MEF2D: variants seen among roughly 807,000 people sequenced by gnomAD.
MEF2D encodes myocyte-specific enhancer factor 2D.
Under a neutral mutation model 59.3 loss-of-function variants are expected in MEF2D, and 10 were observed. The observed-to-expected ratio is 0.17, with a 90% confidence interval of 0.10 to 0.29. The LOEUF (loss-of-function observed/expected upper bound fraction) is 0.29, where lower values mean the gene tolerates loss of function less well. Among genes scored for constraint, MEF2D ranks in the 10% least tolerant of loss-of-function variants. The pLI is 1.00. For missense variants in MEF2D, 508 were observed against 699.4 expected, an observed-to-expected ratio of 0.73 and a Z score of 3.09; for synonymous variants, 305 against 295.0, an observed-to-expected ratio of 1.03 and a Z score of -0.35.
At chr1:156,485,927 G>A (rs1672330994) in intron 1 of MEF2D, among the ~76,000 whole-genome samples, 1 of 150,758 alleles carries the variant, frequency 6.6e-6, no homozygotes, top group African/African-American at 2.4e-5. Flanking sequence ...TTGGCTCACC[G>A]CAACCTCTGC....
chr1:156,489,715 G>C (rs1672629235), intron 1 of MEF2D, among the ~76,000 whole-genome samples: 1 of 152,170 alleles, frequency 6.6e-6, no homozygotes, highest in Admixed American at 6.5e-5. Flanking sequence ...GTCCCACCCA[G>C]GGCAAGGGCA....
At chr1:156,471,931 C>A (rs954891322) in intron 9 of MEF2D, among the ~76,000 whole-genome samples, 1 of 152,222 alleles carries the variant, frequency 6.6e-6, no homozygotes, top group African/African-American at 2.4e-5. Context: ...CACTTCCCAG[C>A]AGGGCTCCAA....
chr1:156,469,892 T>A (rs1227071495), intron 9 of MEF2D, among the ~76,000 whole-genome samples: 1 of 150,718 alleles, frequency 6.6e-6, no homozygotes, highest in African/African-American at 2.4e-5. Context: ...AAAAAAAAAA[T>A]CATGTGTAGG....
intron 1 of MEF2D, among the ~76,000 whole-genome samples, chr1:156,498,900 A>T (rs72994652): frequency 0.02 from 2,999 of 152,244 alleles, 48 homozygotes; most frequent in South Asian, 0.061. Context: ...CTGGGAAACC[A>T]CAGGAAGGAA....
chr1:156,472,335 G>C (rs540217657), intron 9 of MEF2D, among the ~76,000 whole-genome samples: 4 of 152,218 alleles, frequency 2.6e-5, no homozygotes, highest in Admixed American at 6.5e-5. Context: ...TTCTGAAGCA[G>C]CCATCTGTGA....
intron 1 of MEF2D, among the ~76,000 whole-genome samples, chr1:156,492,451 T>C (rs571693670): frequency 5.9e-5 from 9 of 152,316 alleles, no homozygotes; most frequent in Admixed American, 1.3e-4. Flanking sequence ...TGCCAACCAA[T>C]GGGAGCTGCA....
chr1:156,480,875 G>T lies in MEF2D; in HGVS notation c.355C>A (p.Arg119Ser), dbSNP rs371370250. Residue 119 changes from arginine to serine, a missense_variant, in exon 4 of 12, where the codon CGC becomes AGC. By Grantham distance (110) the Arg-to-Ser change is moderately radical. Coordinates refer to ENST00000348159, the MANE Select transcript of MEF2D (RefSeq NM_005920.4). ...AGCCCGTCGAGCTCCTCGCTGGCGCGTCGGTACTTGTCCTCCAGCAGGGGG... is the reference window on the plus strand; with the variant it reads ...AGCCCGTCGAGCTCCTCGCTGGCGCTTCGGTACTTGTCCTCCAGCAGGGGG... ...QSPLLEDKYR[R>S]ASEELDGLFR... 1 of 1,606,258 alleles carries T rather than the reference G, an allele frequency of 6.2e-7. No individual in the cohort carries two copies. The highest frequency in any genetic ancestry group is 8.5e-7 in the Non-Finnish European group (1 of 1,176,676).
intron 8 of MEF2D, 92 bp downstream of exon 8, chr1:156,476,402 A>C: frequency 7.0e-7 from 1 of 1,433,646 alleles, no homozygotes; most frequent in South Asian, 1.2e-5. Context: ...CACAGGCGAG[A>C]GGCCAAGGAC....
chr1:156,480,772 C>T (rs1267844265), intron 4 of MEF2D, 62 bp downstream of exon 4: 1 of 1,605,604 alleles, frequency 6.2e-7, no homozygotes. Context: ...GCTTCTTGTG[C>T]AGCGCCTGGG....
rs1670919689 is a variant in MEF2D, at chr1:156,467,451, G to A, written c.*194C>T. ...ATGAGAGCATCCCCCTCTCCAAAGC[G>A]AGAATCCAAATTAAAAAAAATATAA... On this transcript the variant is annotated 3_prime_UTR_variant, in exon 12 of 12. Transcript: ENST00000348159. The A allele has an allele frequency of 1.2e-5, 3 of 249,962 alleles. No individual in the cohort carries two copies. The highest frequency in any genetic ancestry group is 2.3e-5 in the Non-Finnish European group (3 of 131,390). 15.5% of individuals were successfully genotyped at this position (249,962 alleles called of 1,614,324 possible).
rs1434043569 is a variant in MEF2D, at chr1:156,468,086, C to T, written c.1461G>A (p.Arg487=). Residue 487 remains arginine, a synonymous_variant, in exon 11 of 12, where the codon CGG becomes CGA. Transcript: ENST00000348159. The surrounding 1 kb of genome is among the most constrained non-coding windows in gnomAD (Gnocchi z 4.3). ...GGCCCAGTGTGGGCCCGAAGTCCCC[C>T]CGTCCGTCATCCCGGTCTCCCGTCT... ...SYETGDRDDG[R]GDFGPTLGLL... is the part of the protein sequence containing the mutation. 2 of 1,613,960 alleles carry T rather than the reference C, an allele frequency of 1.2e-6. No homozygotes were observed. The highest frequency in any genetic ancestry group is 1.7e-6 in the Non-Finnish European group (2 of 1,180,006).
intron 9 of MEF2D, 46 bp downstream of exon 9, chr1:156,475,062 G>A (rs1453028680): frequency 6.2e-7 from 1 of 1,612,542 alleles, no homozygotes; most frequent in Admixed American, 1.7e-5. Flanking sequence ...TCACTTGCCT[G>A]CCCCAAGCCC....
intron 6 of MEF2D, 37 bp downstream of exon 6, chr1:156,479,253 C>T (rs1671819421): frequency 6.4e-7 from 1 of 1,572,004 alleles, no homozygotes; most frequent in Non-Finnish European, 8.6e-7. Context: ...AGCGGGCACC[C>T]CTCCCCACCT....
intron 5 of MEF2D, 54 bp from the exon 6 acceptor site, chr1:156,479,400 A>G (rs1671834635): frequency 1.9e-6 from 3 of 1,579,996 alleles, no homozygotes; most frequent in Non-Finnish European, 2.6e-6. Context: ...TTCAAGAGTG[A>G]GTCTTGGGGA....
intron 1 of MEF2D, among the ~76,000 whole-genome samples, chr1:156,493,403 G>A (rs1317861356): frequency 1.3e-5 from 2 of 152,196 alleles, no homozygotes; most frequent in Non-Finnish European, 2.9e-5. Context: ...CTTCTAACTC[G>A]AAGGACAGTC....
chr1:156,488,015 A>T (rs1290053161), intron 1 of MEF2D, among the ~76,000 whole-genome samples: 1 of 152,220 alleles, frequency 6.6e-6, no homozygotes, highest in African/African-American at 2.4e-5. Flanking sequence ...GGGCCTGCCC[A>T]ATCCTGACCT....
intron 1 of MEF2D, among the ~76,000 whole-genome samples, chr1:156,485,722 T>TA (rs1672316593): frequency 6.7e-6 from 1 of 150,308 alleles, no homozygotes; most frequent in South Asian, 2.1e-4. Flanking sequence ...TTTTGGTAGA[T>TA]ACAGGGTGTT....
Position 156,476,308 on chromosome 1 carries a change from C to G in MEF2D, c.876+186G>C, listed in dbSNP as rs556306788. On this transcript the variant is annotated intron_variant, in intron 8 of 11. Coordinates refer to ENST00000348159, the MANE Select transcript of MEF2D (RefSeq NM_005920.4). ...ACACACACACACGTCTGACCTCTCA[C>G]CCCCACCCCATTCACCTTTGAATCC... 1.3e-4 allele frequency among the ~76,000 whole-genome samples: 20 copies of G among 152,330 alleles called. No homozygotes were observed. The South Asian group carries it at 2.3e-3, about 17-fold the overall frequency.
chr1:156,480,635 C>G, intron 4 of MEF2D, 199 bp downstream of exon 4: 1 of 1,546,242 alleles, frequency 6.5e-7, no homozygotes, highest in Non-Finnish European at 8.7e-7. Context: ...CTCCATGCGA[C>G]TACTCACGGC....
Sources: allele counts gnomAD v4.1 joint callset (sites outside exome capture counted in the v4.1 genomes callset), GRCh38; gene constraint gnomAD v4.1.1; non-coding constraint Gnocchi (gnomAD v3.1); transcripts MANE v1.5; gene names NCBI Gene and HGNC (gene_info 2026-07-23, HGNC 2026-07-21).